Variants in RGS5 observed in about 807,000 individuals in gnomAD.
The protein encoded by RGS5 is regulator of G-protein signalling 5.
A neutral mutation model predicts 18.9 loss-of-function variants in RGS5; 20 were observed. The ratio of observed to expected loss-of-function variants is 1.06; its 90% CI spans 0.74 to 1.54. The LOEUF (loss-of-function observed/expected upper bound fraction) is 1.54, where lower values mean the gene tolerates loss of function less well. Among genes scored for constraint, RGS5 ranks in the 40% most tolerant of loss-of-function variants. RGS5 has a pLI of 0.00. For synonymous variants in RGS5, 57 were observed against 76.2 expected, an observed-to-expected ratio of 0.75 and a Z score of 1.31; for missense variants, 201 against 211.8, an observed-to-expected ratio of 0.95 and a Z score of 0.32.
At chr1:163,188,951 C>CAAAA (rs34767004) in intron 1 of RGS5, among the ~76,000 whole-genome samples, 5 of 77,634 alleles carry the variant, frequency 6.4e-5, no homozygotes, top group Admixed American at 1.7e-4. Context: ...GACCCCATCT[C>CAAAA]AAAAAAAAAA....
At chr1:163,300,765 A>C (rs1041429838) in intron 2 of RGS5, 2 of 152,234 alleles carry the variant, frequency 1.3e-5, no homozygotes, top group Admixed American at 6.5e-5. Context: ...GCACTGCCAA[A>C]AATGTTACCC....
intron 1 of RGS5, among the ~76,000 whole-genome samples, chr1:163,191,701 T>A (rs1266417177): frequency 6.6e-6 from 1 of 152,182 alleles, no homozygotes; most frequent in Non-Finnish European, 1.5e-5. Context: ...TGACCCTGGT[T>A]CTTTACACAG....
intron 2 of RGS5, among the ~76,000 whole-genome samples, chr1:163,164,107 G>T (rs1288896026): frequency 6.6e-6 from 1 of 152,140 alleles, no homozygotes; most frequent in Non-Finnish European, 1.5e-5. Flanking sequence ...TAAGGGCACA[G>T]TCAAGTAGGA....
chr1:163,294,015 GC>G (rs1649360009), intron 2 of RGS5, among the ~76,000 whole-genome samples: 1 of 152,188 alleles, frequency 6.6e-6, no homozygotes, highest in African/African-American at 2.4e-5. Context: ...GCAGAGTATA[GC>G]CCCCACAGCT....
chr1:163,161,852 G>T, intron 3 of RGS5, 63 bp downstream of exon 3: 1 of 1,248,954 alleles, frequency 8.0e-7, no homozygotes, highest in South Asian at 1.2e-5. Flanking sequence ...GTAATACAAA[G>T]ATGTTTTTTG....
chr1:163,209,634 C>G (rs1029705640), intron 1 of RGS5, among the ~76,000 whole-genome samples: 9 of 152,040 alleles, frequency 5.9e-5, no homozygotes, highest in Non-Finnish European at 1.0e-4. Flanking sequence ...TTCTTTGCTT[C>G]TATTATAAAT....
chr1:163,245,719 T>C (rs1647911638), intron 2 of RGS5, among the ~76,000 whole-genome samples: 1 of 152,374 alleles, frequency 6.6e-6, no homozygotes, highest in African/African-American at 2.4e-5. Flanking sequence ...ATAATACCAT[T>C]TTCAAAGGTT....
chr1:163,195,116 A>G (rs1659511330), intron 1 of RGS5, among the ~76,000 whole-genome samples: 1 of 152,200 alleles, frequency 6.6e-6, no homozygotes, highest in Non-Finnish European at 1.5e-5. Context: ...AAGTCATTAT[A>G]TGAAGACATA....
intron 1 of RGS5, among the ~76,000 whole-genome samples, chr1:163,176,396 C>T (rs1207709443): frequency 1.3e-5 from 2 of 152,170 alleles, no homozygotes; most frequent in African/African-American, 4.8e-5. Flanking sequence ...GCAAGGCGGG[C>T]AGATCACCTG....
intron 2 of RGS5, among the ~76,000 whole-genome samples, chr1:163,274,183 A>G (rs1648793079): frequency 6.6e-6 from 1 of 152,146 alleles, no homozygotes. Flanking sequence ...ACCTGAGTGT[A>G]TGCTAATCAG....
chr1:163,309,641 C>T (rs10917721), intron 1 of RGS5, among the ~76,000 whole-genome samples: 63,260 of 151,986 alleles, frequency 0.42, 13,653 homozygotes, highest in South Asian at 0.5. Flanking sequence ...GGTGCTTCCT[C>T]CACTAAAGTC....
intron 2 of RGS5, among the ~76,000 whole-genome samples, chr1:163,243,652 A>AAAC (rs1292252777): frequency 1.3e-5 from 2 of 150,986 alleles, no homozygotes; most frequent in Non-Finnish European, 3.0e-5. Context: ...TCAAAAAAAA[A>AAAC]AAAAAAAAAA....
rs566559594 is a variant in RGS5 at position 163,165,882 on chromosome 1, G to A, written c.155+2376C>T. Among the ~76,000 whole-genome samples the A allele has an allele frequency of 2.0e-4, 30 of 149,468 alleles. 1 individual carries two copies. In the South Asian group the frequency reaches 6.3e-3, roughly 31 times the overall value. On this transcript the variant is annotated intron_variant, in intron 2 of 4. Coordinates refer to ENST00000313961, the MANE Select transcript of RGS5 (RefSeq NM_003617.4). ...GATCATGCCATTGCACTCCAGCCTG[G>A]GCAAAAGAGCGAAATTCCGTCTCAA...
intron 2 of RGS5, among the ~76,000 whole-genome samples, chr1:163,235,565 T>G (rs1647601413): frequency 6.6e-6 from 1 of 152,188 alleles, no homozygotes; most frequent in Non-Finnish European, 1.5e-5. Context: ...ATGGTTCTTC[T>G]CATCTCTTAT....
rs1657014660 is a variant in RGS5 at position 163,143,724 on chromosome 1, G to A, written c.*3618C>T. ...GGAAAAAGGGAAAATGGCCTGCTAG[G>A]GAGAACAGTTTCAATAATGAAAATC... On this transcript the variant is annotated 3_prime_UTR_variant, in exon 5 of 5. Transcript: ENST00000313961. 6.6e-6 allele frequency: 1 copy of A among 152,080 alleles called. No individual in the cohort carries two copies. Among genetic ancestry groups the A allele is most frequent in the Non-Finnish European group, 1.5e-5 (1 of 68,022 alleles). 9.4% of individuals were successfully genotyped at this position (152,080 alleles called of 1,614,324 possible). A position where few individuals can be genotyped will look rare whatever the true frequency, so the allele number is the denominator to read the frequency against.
chr1:163,186,881 G>A (rs181650535), intron 1 of RGS5, among the ~76,000 whole-genome samples: 7 of 152,262 alleles, frequency 4.6e-5, no homozygotes, highest in Admixed American at 1.3e-4. Context: ...ATCACACCCC[G>A]TATGTGGAGC....
intron 2 of RGS5, among the ~76,000 whole-genome samples, chr1:163,227,560 C>T (rs1044475904): frequency 2.0e-5 from 3 of 152,082 alleles, no homozygotes; most frequent in Non-Finnish European, 2.9e-5. Context: ...TGGGGACACA[C>T]AGCCAAACCA....
At chr1:163,313,787 C>T (rs1649937416) in intron 1 of RGS5, among the ~76,000 whole-genome samples, 1 of 152,122 alleles carries the variant, frequency 6.6e-6, no homozygotes, top group South Asian at 2.1e-4. Context: ...GGGATAAAAT[C>T]TGTAGAACAT....
At chr1:163,186,891 C>A (rs1659113777) in intron 1 of RGS5, among the ~76,000 whole-genome samples, 1 of 152,178 alleles carries the variant, frequency 6.6e-6, no homozygotes, top group African/African-American at 2.4e-5. Context: ...GTATGTGGAG[C>A]AGAATCTATC....
Sources: gnomAD v4.1 joint callset for allele counts (sites outside exome capture counted in the v4.1 genomes callset) on GRCh38, gnomAD v4.1.1 for gene constraint, MANE v1.5 for transcripts, NCBI Gene and HGNC (gene_info 2026-07-23, HGNC 2026-07-21) for gene names.